Variants in GLYR1 observed in about 807,000 individuals in gnomAD.
GLYR1 encodes cytokine-like nuclear factor N-PAC.
Under a neutral mutation model 72.7 loss-of-function variants are expected in GLYR1, and 21 were observed. That is an observed-to-expected ratio of 0.29 (90% CI 0.20 to 0.42). The LOEUF is 0.42. Ranked by LOEUF, GLYR1 falls within the 10% of genes least tolerant of loss-of-function variation. The pLI, the probability that GLYR1 is intolerant of heterozygous loss-of-function variation, is 1.00. For missense variants in GLYR1, 594 were observed against 712.1 expected (o/e 0.83, Z 1.89); for synonymous variants, 392 against 270.2 (o/e 1.45, Z -4.42).
intron 7 of GLYR1, among the ~76,000 whole-genome samples, chr16:4,821,964 C>T (rs1426288570): frequency 6.6e-6 from 1 of 152,230 alleles, no homozygotes; most frequent in Non-Finnish European, 1.5e-5. Context: ...GAGACTACCT[C>T]TTGGAGTGAG....
chr16:4,826,601 C>T (rs771040364), intron 5 of GLYR1, among the ~76,000 whole-genome samples: 1 of 152,214 alleles, frequency 6.6e-6, no homozygotes, highest in South Asian at 2.1e-4. Context: ...ACTCAATAAA[C>T]ATTTGTTGAA....
intron 10 of GLYR1, 66 bp downstream of exon 10, chr16:4,817,532 A>T (rs2083726053): frequency 1.1e-6 from 1 of 905,994 alleles, no homozygotes; most frequent in African/African-American, 1.6e-5. Context: ...CAACAGGGGG[A>T]GATGTCCACT....
chr16:4,844,694 G>A (rs2085841321), intron 3 of GLYR1, among the ~76,000 whole-genome samples: 1 of 152,240 alleles, frequency 6.6e-6, no homozygotes, highest in African/African-American at 2.4e-5. Flanking sequence ...CAGTGAGGCA[G>A]AGGTTGCGGT....
chr16:4,812,515 G>A (rs1402275039), intron 12 of GLYR1, among the ~76,000 whole-genome samples: 4 of 150,570 alleles, frequency 2.7e-5, no homozygotes, highest in Non-Finnish European at 5.9e-5. Flanking sequence ...TTTTTTTTGA[G>A]GTGGAGTCTC....
chr16:4,841,319 A>G (rs1479176684), intron 3 of GLYR1, among the ~76,000 whole-genome samples: 2 of 151,972 alleles, frequency 1.3e-5, no homozygotes, highest in Non-Finnish European at 2.9e-5. Flanking sequence ...CTAGTCTTTT[A>G]GCATTAAAAA....
chr16:4,814,454 G>A (rs924023492), intron 11 of GLYR1, 83 bp downstream of exon 11: 2 of 984,044 alleles, frequency 2.0e-6, no homozygotes, highest in South Asian at 2.6e-5. Context: ...CACTCACTTG[G>A]TGTGCAGGGG....
chr16:4,844,508 A>G (rs181202263), intron 3 of GLYR1, among the ~76,000 whole-genome samples: 1 of 152,356 alleles, frequency 6.6e-6, no homozygotes, highest in African/African-American at 2.4e-5. Flanking sequence ...GCAGTGGCTC[A>G]CGCCTATAAT....
intron 3 of GLYR1, among the ~76,000 whole-genome samples, chr16:4,837,775 T>C (rs982124988): frequency 3.3e-5 from 5 of 151,584 alleles, no homozygotes; most frequent in Non-Finnish European, 7.4e-5. Flanking sequence ...CTACTAAAAA[T>C]ACAAAATTAG....
At chr16:4,817,443 C>T (rs1450712375) in intron 10 of GLYR1, among the ~76,000 whole-genome samples, 155 bp downstream of exon 10, 3 of 152,028 alleles carry the variant, frequency 2.0e-5, no homozygotes, top group African/African-American at 7.2e-5. Flanking sequence ...ATAATAACAT[C>T]CTAAGTTTAG....
At chr16:4,810,040 A>T (rs2083236990) in intron 15 of GLYR1, among the ~76,000 whole-genome samples, 1 of 152,246 alleles carries the variant, frequency 6.6e-6, no homozygotes, top group South Asian at 2.1e-4. Flanking sequence ...ATATCTAGGA[A>T]AACCCAAACA....
chr16:4,827,146 C>G (rs934285906), intron 5 of GLYR1, among the ~76,000 whole-genome samples: 6 of 152,234 alleles, frequency 3.9e-5, no homozygotes, highest in Non-Finnish European at 8.8e-5. Flanking sequence ...CAGCTTTTTC[C>G]ATTAATCCTC....
chr16:4,841,033 G>A (rs761174754), intron 3 of GLYR1, among the ~76,000 whole-genome samples: 1 of 152,178 alleles, frequency 6.6e-6, no homozygotes, highest in African/African-American at 2.4e-5. Flanking sequence ...CATTTTTATA[G>A]TTTAAAATGT....
chr16:4,809,730 C>A (rs1427466718), intron 15 of GLYR1, among the ~76,000 whole-genome samples: 1 of 151,774 alleles, frequency 6.6e-6, no homozygotes, highest in East Asian at 1.9e-4. Flanking sequence ...TCAAGCCCAG[C>A]CTGGCCAACA....
intron 15 of GLYR1, among the ~76,000 whole-genome samples, chr16:4,806,805 C>CTTT (rs546117839): frequency 1.4e-5 from 2 of 140,970 alleles, no homozygotes; most frequent in Non-Finnish European, 3.1e-5. Context: ...ATTCTTTTTT[C>CTTT]TTTTTTTTTT....
intron 15 of GLYR1, among the ~76,000 whole-genome samples, chr16:4,808,384 G>C (rs1159325784): frequency 6.6e-6 from 1 of 151,968 alleles, no homozygotes; most frequent in African/African-American, 2.4e-5. Context: ...ATCACCTGAG[G>C]TCAGGAGTTT....
At chr16:4,836,690 A>G (rs541387754) in intron 3 of GLYR1, among the ~76,000 whole-genome samples, 1 of 152,216 alleles carries the variant, frequency 6.6e-6, no homozygotes, top group East Asian at 1.9e-4. Context: ...CCACGCACTG[A>G]TATCTCTGGA....
intron 3 of GLYR1, among the ~76,000 whole-genome samples, chr16:4,836,296 C>T (rs1353748432): frequency 6.6e-6 from 1 of 152,104 alleles, no homozygotes; most frequent in Non-Finnish European, 1.5e-5. Flanking sequence ...TACAATGCTC[C>T]AGTGCGTAAG....
At position 4,843,535 on chromosome 16, in the gene GLYR1, T is replaced by A. The variant is rs1020772155; in HGVS notation, c.155+1539A>T. The A allele has an allele frequency of 1.7e-5, 22 of 1,288,638 alleles. No homozygotes were observed. The South Asian group carries it at 2.0e-4, about 12-fold the overall frequency. The allele number at this position is 1,288,638 out of a possible 1,614,324, so 79.8% of individuals were successfully genotyped here. On this transcript the variant is annotated intron_variant, in intron 3 of 15. Coordinates refer to ENST00000321919, the MANE Select transcript of GLYR1 (RefSeq NM_032569.4). ...TGGCTCCACAGCTCCAGGCCAGCGA[T>A]CTCCTTGAAATACTGCCACCACAGG...
At chr16:4,820,925 C>A (rs557457974) in intron 9 of GLYR1, among the ~76,000 whole-genome samples, 13 of 152,378 alleles carry the variant, frequency 8.5e-5, no homozygotes, top group Admixed American at 3.9e-4. Context: ...TCCCTTCCCC[C>A]ACCTGCCCCA....
Sources: gnomAD v4.1 joint callset for allele counts (sites outside exome capture counted in the v4.1 genomes callset) on GRCh38, gnomAD v4.1.1 for gene constraint, MANE v1.5 for transcripts, NCBI Gene and HGNC (gene_info 2026-07-23, HGNC 2026-07-21) for gene names.